Variants in VDAC1 observed in about 807,000 individuals in gnomAD.
VDAC1 encodes the protein voltage dependent anion channel 1.
Under a neutral mutation model 34.7 loss-of-function variants are expected in VDAC1, and 10 were observed. The observed-to-expected ratio is 0.29, with a 90% confidence interval of 0.18 to 0.49. The LOEUF (loss-of-function observed/expected upper bound fraction) is 0.49, where lower values mean the gene tolerates loss of function less well. VDAC1 is among the 20% of genes least tolerant of loss of function. The pLI is 0.99. For missense variants in VDAC1, 230 were observed against 347.9 expected (o/e 0.66, Z 2.69); for synonymous variants, 130 against 136.0 (o/e 0.96, Z 0.30).
chr5:134,044,776 A>T, the VDAC1 span, among the ~76,000 whole-genome samples: 1 of 152,180 alleles, frequency 6.6e-6, no homozygotes, highest in Admixed American at 6.5e-5. Flanking sequence ...TGAATTATTT[A>T]TTCATTCAGC....
the VDAC1 span, among the ~76,000 whole-genome samples, chr5:134,056,891 G>A: frequency 1.3e-5 from 2 of 151,878 alleles, no homozygotes; most frequent in Non-Finnish European, 2.9e-5. Context: ...TCCATGTTGA[G>A]GCTGGTCTCG....
At chr5:133,985,254 A>G (rs1752863230) in intron 5 of VDAC1, among the ~76,000 whole-genome samples, 1 of 152,252 alleles carries the variant, frequency 6.6e-6, no homozygotes, top group South Asian at 2.1e-4. Context: ...CACCAACAGA[A>G]CAAGTGACAA....
At chr5:134,051,203 CA>C in the VDAC1 span, among the ~76,000 whole-genome samples, 1 of 152,190 alleles carries the variant, frequency 6.6e-6, no homozygotes, top group Non-Finnish European at 1.5e-5. Context: ...GCCCAGGAGC[CA>C]GGGGGGCCAG....
the VDAC1 span, among the ~76,000 whole-genome samples, chr5:134,074,220 G>A: frequency 6.6e-6 from 1 of 151,896 alleles, no homozygotes; most frequent in Non-Finnish European, 1.5e-5. Context: ...GCTGAGGCAG[G>A]AGAATGGCAT....
the VDAC1 span, among the ~76,000 whole-genome samples, chr5:134,077,923 C>A: frequency 0.47 from 71,610 of 152,106 alleles, 17,253 homozygotes; most frequent in Non-Finnish European, 0.52. Flanking sequence ...TGAAAAAAGA[C>A]CCTTCCCTTT....
At chr5:134,102,122 A>G in the VDAC1 span, among the ~76,000 whole-genome samples, 4 of 150,994 alleles carry the variant, frequency 2.6e-5, no homozygotes, top group Non-Finnish European at 5.9e-5. Flanking sequence ...GTTACTTCCC[A>G]CTCCTGCAGT....
chr5:134,052,264 C>G, the VDAC1 span, among the ~76,000 whole-genome samples: 1 of 152,162 alleles, frequency 6.6e-6, no homozygotes, highest in Admixed American at 6.5e-5. Context: ...CTTCATTAAA[C>G]CTGGTACAAA....
chr5:134,075,532 CACT>C, the VDAC1 span, among the ~76,000 whole-genome samples: 1 of 152,228 alleles, frequency 6.6e-6, no homozygotes, highest in Admixed American at 6.5e-5. Context: ...ATACACTACT[CACT>C]ACTATTCACA....
At chr5:134,107,103 C>T in the VDAC1 span, among the ~76,000 whole-genome samples, 1 of 152,184 alleles carries the variant, frequency 6.6e-6, no homozygotes, top group Non-Finnish European at 1.5e-5. Context: ...CACTTTGGAG[C>T]CAGAGGTGTC....
At chr5:133,989,020 G>A (rs1201332475) in intron 5 of VDAC1, 1 of 152,260 alleles carries the variant, frequency 6.6e-6, no homozygotes, top group Non-Finnish European at 1.5e-5. Flanking sequence ...CCTGGGGGGA[G>A]AGTGCACAGC....
chr5:134,026,236 G>A, the VDAC1 span, among the ~76,000 whole-genome samples: 9 of 152,140 alleles, frequency 5.9e-5, no homozygotes, highest in Non-Finnish European at 1.2e-4. Context: ...GGCTGGGTGT[G>A]GTGGCTCACG....
the VDAC1 span, among the ~76,000 whole-genome samples, chr5:134,020,194 G>A: frequency 6.6e-6 from 1 of 151,928 alleles, no homozygotes; most frequent in African/African-American, 2.4e-5. Flanking sequence ...CCAAGCCACA[G>A]ATAAAGCCTT....
At chr5:134,068,534 T>G in the VDAC1 span, among the ~76,000 whole-genome samples, 1 of 152,172 alleles carries the variant, frequency 6.6e-6, no homozygotes, top group Non-Finnish European at 1.5e-5. Flanking sequence ...TATTCAGATC[T>G]CTTTTGTTGC....
the VDAC1 span, among the ~76,000 whole-genome samples, chr5:134,020,746 G>A: frequency 1.3e-5 from 2 of 152,034 alleles, no homozygotes; most frequent in Middle Eastern, 3.4e-3. Context: ...GCGCGATCTC[G>A]GCTCACTGCA....
chr5:134,003,732 C>G (rs1753648837), intron 1 of VDAC1, among the ~76,000 whole-genome samples: 1 of 152,188 alleles, frequency 6.6e-6, no homozygotes. Context: ...AGGTTTCATG[C>G]TAATTAATTC....
chr5:134,045,755 A>C, the VDAC1 span, among the ~76,000 whole-genome samples: 1 of 151,534 alleles, frequency 6.6e-6, no homozygotes, highest in African/African-American at 2.4e-5. Context: ...GGCTCACTGC[A>C]ACCTCTGCCT....
At chr5:134,026,264 T>C in the VDAC1 span, among the ~76,000 whole-genome samples, 1 of 152,042 alleles carries the variant, frequency 6.6e-6, no homozygotes, top group Admixed American at 6.6e-5. Flanking sequence ...TCCCAGCACT[T>C]TGGGAGGCCG....
chr5:134,050,908 T>C, the VDAC1 span, among the ~76,000 whole-genome samples: 5 of 152,106 alleles, frequency 3.3e-5, no homozygotes, highest in African/African-American at 9.7e-5. Context: ...CAGGAGTTTC[T>C]GGGGATAAGG....
the VDAC1 span, among the ~76,000 whole-genome samples, chr5:134,063,995 AT>A: frequency 0.57 from 48,950 of 86,510 alleles, 13,984 homozygotes; most frequent in East Asian, 0.68. Flanking sequence ...ACCTGTACTA[AT>A]TTTTTTTTTT....
Sources: allele counts gnomAD v4.1 joint callset (sites outside exome capture counted in the v4.1 genomes callset), GRCh38; gene constraint gnomAD v4.1.1; transcripts MANE v1.5; gene names NCBI Gene and HGNC (gene_info 2026-07-23, HGNC 2026-07-21).